PARD6G: variants seen among roughly 807,000 people sequenced by gnomAD.
PARD6G encodes partitioning defective 6 homolog gamma.
PARD6G carries 7 observed loss-of-function variants against 10.7 expected under a neutral mutation model. The observed-to-expected ratio is 0.66, with a 90% CI of 0.37 to 1.23. PARD6G has a LOEUF of 1.23. PARD6G is among the 50% of genes most tolerant of loss of function. The pLI, the probability that PARD6G is intolerant of heterozygous loss-of-function variation, is 0.02. For missense variants in PARD6G, 548 were observed against 571.8 expected (o/e 0.96, Z 0.42); for synonymous variants, 287 against 269.4 (o/e 1.07, Z -0.64).
chr18:80,199,169 G>A (rs756233860), intron 2 of PARD6G, among the ~76,000 whole-genome samples: 18 of 152,146 alleles, frequency 1.2e-4, no homozygotes, highest in Non-Finnish European at 2.1e-4. Context: ...CATTGCTTCC[G>A]GGGGACACAG....
intron 1 of PARD6G, among the ~76,000 whole-genome samples, chr18:80,232,891 G>A (rs1389876419): frequency 1.3e-5 from 2 of 152,186 alleles, no homozygotes; most frequent in East Asian, 3.9e-4. Flanking sequence ...CCACATCCCT[G>A]GGGAACTGCT....
chr18:80,244,292 G>C (rs1967520183), intron 1 of PARD6G, among the ~76,000 whole-genome samples: 1 of 152,174 alleles, frequency 6.6e-6, no homozygotes, highest in African/African-American at 2.4e-5. Flanking sequence ...TAGGGAATTG[G>C]AAGTACATAC....
intron 2 of PARD6G, chr18:80,168,834 G>C (rs1407110471): frequency 5.9e-6 from 1 of 169,106 alleles, no homozygotes; most frequent in Admixed American, 6.5e-5. Context: ...GTAACAAGAG[G>C]GGAAATTGAA....
At chr18:80,166,436 G>A (rs1316768322) in intron 2 of PARD6G, among the ~76,000 whole-genome samples, 1 of 151,304 alleles carries the variant, frequency 6.6e-6, no homozygotes, top group Non-Finnish European at 1.5e-5. Flanking sequence ...CCTCGGTCAT[G>A]GGGGCATCAG....
intron 1 of PARD6G, among the ~76,000 whole-genome samples, chr18:80,203,407 A>G (rs1480298159): frequency 6.6e-6 from 1 of 152,194 alleles, no homozygotes; most frequent in Non-Finnish European, 1.5e-5. Context: ...AATTAAAAGC[A>G]GTAGTGACTC....
In PARD6G at chr18:80,247,246, G is replaced by A. The variant is rs923693405; in HGVS notation, c.72+31C>T. The A allele has an allele frequency of 5.2e-6, 8 of 1,551,878 alleles. No individual in the cohort carries two copies. Among genetic ancestry groups the A allele is most frequent in the Admixed American group, 1.8e-5 (1 of 54,866 alleles). ...CCATTCATTAGCCAGGAGACTGGGC[G>A]CAGGGCCGCCGGGGCGGGCGGGGGG... On this transcript the variant is annotated intron_variant, in intron 1 of 2. Transcript: ENST00000353265. The surrounding 1 kb of genome is among the most constrained non-coding windows in gnomAD (Gnocchi z 4.2).
chr18:80,196,640 T>C (rs994159977), intron 2 of PARD6G, among the ~76,000 whole-genome samples: 3 of 152,088 alleles, frequency 2.0e-5, no homozygotes, highest in African/African-American at 7.2e-5. Context: ...ATTGGCTCAA[T>C]TGGAAGAGAA....
intron 2 of PARD6G, among the ~76,000 whole-genome samples, chr18:80,190,006 A>G (rs1966883765): frequency 6.6e-6 from 1 of 152,108 alleles, no homozygotes; most frequent in African/African-American, 2.4e-5. Context: ...TCACCCCAAA[A>G]AGAAACCCCA....
intron 1 of PARD6G, among the ~76,000 whole-genome samples, chr18:80,210,989 A>G (rs1009811146): frequency 5.3e-5 from 8 of 151,772 alleles, no homozygotes; most frequent in Non-Finnish European, 1.2e-4. Flanking sequence ...AAATGGAACT[A>G]TTCACATTTA....
intron 2 of PARD6G, among the ~76,000 whole-genome samples, chr18:80,190,476 G>T (rs1966888365): frequency 6.6e-6 from 1 of 152,182 alleles, no homozygotes; most frequent in Non-Finnish European, 1.5e-5. Context: ...GGCCTGGTGT[G>T]CACAGGCCCA....
chr18:80,228,573 G>A lies in PARD6G; in HGVS notation c.72+18704C>T, dbSNP rs1449068977. Among the ~76,000 whole-genome samples, 1 of 142,614 alleles carries A rather than the reference G, an allele frequency of 7.0e-6. No individual in the cohort carries two copies. The highest frequency in any genetic ancestry group is 1.5e-5 in the Non-Finnish European group (1 of 66,402). The allele number at this position is 142,614 out of a possible 152,430, so 93.6% of individuals were successfully genotyped here. Reference sequence around the variant, plus strand: ...AGACACCACAGGGTCTTGGCCCCCAGGCCCACAGACTGCATCTCCTAAGAT... The same window carrying A: ...AGACACCACAGGGTCTTGGCCCCCAAGCCCACAGACTGCATCTCCTAAGAT... On this transcript the variant is annotated intron_variant, in intron 1 of 2. Coordinates refer to ENST00000353265, the MANE Select transcript of PARD6G (RefSeq NM_032510.4). This position sits in a 1 kb window ranked among gnomAD's most constrained non-coding sequence, Gnocchi z 4.6.
rs1328410167 is a variant in PARD6G at position 80,181,405 on chromosome 18, G to C, written c.296-20799C>G. Reference sequence around the variant, plus strand: ...GGCACCGGGGGACCCTGCGTGCTTGGGTGCATTGCACACCCAGGTCACCAG... The same window carrying C: ...GGCACCGGGGGACCCTGCGTGCTTGCGTGCATTGCACACCCAGGTCACCAG... On this transcript the variant is annotated intron_variant, in intron 2 of 2. Transcript: ENST00000353265. The surrounding 1 kb of genome is among the most constrained non-coding windows in gnomAD (Gnocchi z 7.9). 6.6e-6 allele frequency among the ~76,000 whole-genome samples: 1 copy of C among 152,098 alleles called. No individual in the cohort carries two copies. The highest frequency in any genetic ancestry group is 1.5e-5 in the Non-Finnish European group (1 of 68,010).
At chr18:80,238,119 T>G (rs1214178351) in intron 1 of PARD6G, among the ~76,000 whole-genome samples, 5 of 152,020 alleles carry the variant, frequency 3.3e-5, no homozygotes, top group Non-Finnish European at 5.9e-5. Context: ...AATGATAGAC[T>G]GGAAAATGTG....
intron 1 of PARD6G, among the ~76,000 whole-genome samples, chr18:80,203,918 T>C (rs544665746): frequency 3.9e-5 from 6 of 152,282 alleles, no homozygotes; most frequent in African/African-American, 1.2e-4. Flanking sequence ...GTCTGGTCTT[T>C]TTCCTAAAGG....
chr18:80,222,964 C>T (rs1279292480), intron 1 of PARD6G, among the ~76,000 whole-genome samples: 2 of 152,212 alleles, frequency 1.3e-5, no homozygotes, highest in Non-Finnish European at 2.9e-5. Context: ...GCATGGGCTA[C>T]TGCAGCTGGT....
chr18:80,187,309 A>C (rs993770648), intron 2 of PARD6G, among the ~76,000 whole-genome samples: 1 of 152,112 alleles, frequency 6.6e-6, no homozygotes. Context: ...CCTCCCAGTG[A>C]GAAATGTACT....
intron 1 of PARD6G, among the ~76,000 whole-genome samples, chr18:80,239,974 C>T (rs1430320576): frequency 2.0e-5 from 3 of 151,982 alleles, no homozygotes; most frequent in Admixed American, 1.3e-4. Flanking sequence ...GAAGGAGAGC[C>T]GGCATGTGCA....
chr18:80,183,294 T>C lies in PARD6G; in HGVS notation c.295+19416A>G. The C allele has an allele frequency of 1.6e-6, 1 of 645,136 alleles. No homozygotes were observed. Among genetic ancestry groups the C allele is most frequent in the Non-Finnish European group, 2.8e-6 (1 of 356,522 alleles). The allele number at this position is 645,136 out of a possible 1,614,324, so 40.0% of individuals were successfully genotyped here. On this transcript the variant is annotated intron_variant, in intron 2 of 2. Coordinates refer to ENST00000353265, the MANE Select transcript of PARD6G (RefSeq NM_032510.4). The surrounding 1 kb of genome is among the most constrained non-coding windows in gnomAD (Gnocchi z 4.5). ...ATACAGGCATAGTGGAAAAGTACGC[T>C]GACCTTCTCAGTGGCTCTAAAACAA...
At chr18:80,223,784 G>A (rs570685341) in intron 1 of PARD6G, among the ~76,000 whole-genome samples, 2 of 152,312 alleles carry the variant, frequency 1.3e-5, no homozygotes, top group South Asian at 4.1e-4. Flanking sequence ...TTTTGCTCCA[G>A]GCAAACAGGA....
Sources: allele counts gnomAD v4.1 joint callset (sites outside exome capture counted in the v4.1 genomes callset), GRCh38; gene constraint gnomAD v4.1.1; non-coding constraint Gnocchi (gnomAD v3.1); transcripts MANE v1.5; gene names NCBI Gene and HGNC (gene_info 2026-07-23, HGNC 2026-07-21).